The following CACNA1H variants were observed in gnomAD, a reference collection of about 807,000 sequenced individuals.
CACNA1H encodes the protein voltage-dependent T-type calcium channel subunit alpha-1H.
A neutral mutation model predicts 192.5 loss-of-function variants in CACNA1H; 149 were observed. The ratio of observed to expected loss-of-function variants is 0.77; its 90% CI spans 0.68 to 0.89. The LOEUF is 0.89. CACNA1H is among the 40% of genes least tolerant of loss of function. The probability of loss-of-function intolerance (pLI) is 0.00; values close to 1 mark genes in which losing one functional copy is unlikely to be tolerated. For missense variants in CACNA1H, 4,257 were observed against 3,423.5 expected, an observed-to-expected ratio of 1.24 and a Z score of -6.08; for synonymous variants, 2,202 against 1,475.2, an observed-to-expected ratio of 1.49 and a Z score of -11.29.
chr16:1,154,684 C>T (rs980897191), intron 2 of CACNA1H, among the ~76,000 whole-genome samples: 1 of 152,130 alleles, frequency 6.6e-6, no homozygotes, highest in Non-Finnish European at 1.5e-5. Context: ...TTGGCACTGC[C>T]AAGGGGGAGT....
intron 2 of CACNA1H, among the ~76,000 whole-genome samples, chr16:1,161,103 A>G (rs1228298240): frequency 2.6e-5 from 4 of 152,170 alleles, no homozygotes; most frequent in African/African-American, 9.7e-5. Flanking sequence ...TGTCTGCAGA[A>G]CTGGCTCCTG....
chr16:1,204,170 C>T lies in CACNA1H; in HGVS notation c.2163C>T (p.Asp721=). The T allele has an allele frequency of 3.1e-6, 5 of 1,612,362 alleles. No homozygotes were observed. Among genetic ancestry groups the T allele is most frequent in the African/African-American group, 2.7e-5 (2 of 75,066 alleles). The change falls in exon 10 of 35, where the codon GAC becomes GAT. Residue 721 remains aspartate, a synonymous_variant. Coordinates refer to ENST00000348261, the MANE Select transcript of CACNA1H (RefSeq NM_021098.3). The stretch of plus-strand genomic sequence containing the variant: ...AGCTCAGCGGCTCGGAAAGTGGAGA[C>T]TCAGATGGCCGTGGCGTCTATGAAT... ...EGELSGSESG[D]SDGRGVYEFT...
chr16:1,202,265 C>G lies in CACNA1H; in HGVS notation c.1815C>G (p.Ala605=). 6.3e-7 allele frequency: 1 copy of G among 1,575,978 alleles called. No homozygotes were observed. The highest frequency in any genetic ancestry group is 8.6e-7 in the Non-Finnish European group (1 of 1,163,056). ...CTGCCGCTGCCAGCCTCAGACTGGC[C>G]ACAGGGCTGGGCACCATGAACTACC... ...AATAAASLRL[A]TGLGTMNYPT... is the part of the protein sequence containing the mutation. Residue 605 remains alanine (A), a synonymous_variant, in exon 9 of 35, where the codon GCC becomes GCG. Coordinates refer to ENST00000348261, the MANE Select transcript of CACNA1H (RefSeq NM_021098.3).
chr16:1,206,215 C>T lies in CACNA1H; in HGVS notation c.2715C>T (p.Leu905=), dbSNP rs746896203. The part of the protein sequence containing the change: ...VRFLPALRRQ[L]VVLVKTMDNV... ...TTCTGCCAGCCCTGCGGCGCCAGCT[C>T]GTGGTGCTGGTGAAGACCATGGACA... is the stretch of plus-strand genomic sequence containing the variant. The change falls in exon 12 of 35, where the codon CTC becomes CTT. Residue 905 remains leucine (L), a synonymous_variant. Coordinates refer to ENST00000348261, the MANE Select transcript of CACNA1H (RefSeq NM_021098.3). 75 of 1,592,994 alleles carry T rather than the reference C, an allele frequency of 4.7e-5. No homozygotes were observed. Among genetic ancestry groups the T allele is most frequent in the Non-Finnish European group, 6.0e-5 (70 of 1,170,804 alleles).
In CACNA1H at chr16:1,200,549, A is replaced by T. The variant is rs1567508720; in HGVS notation, c.1097A>T (p.Tyr366Phe). The T allele has an allele frequency of 6.2e-7, 1 of 1,612,036 alleles. No individual in the cohort carries two copies. Among genetic ancestry groups the T allele is most frequent in the Non-Finnish European group, 8.5e-7 (1 of 1,179,694 alleles). Reference protein sequence around the residue: ...NGAINFDNIGYAWIAIFQVIT... With the variant: ...NGAINFDNIGFAWIAIFQVIT... ...GCCATCAACTTCGACAACATCGGCTACGCCTGGATTGCCATCTTCCAGGTG... is the reference window on the plus strand; with the variant it reads ...GCCATCAACTTCGACAACATCGGCTTCGCCTGGATTGCCATCTTCCAGGTG... Residue 366 changes from tyrosine (Y) to phenylalanine (F), a missense_variant, in exon 7 of 35, where the codon TAC (tyrosine) becomes TTC (phenylalanine). Physicochemically the swap from Tyr to Phe is conservative, Grantham distance 22. Coordinates refer to ENST00000348261, the MANE Select transcript of CACNA1H (RefSeq NM_021098.3).
At chr16:1,171,437 C>G (rs998336031) in intron 2 of CACNA1H, among the ~76,000 whole-genome samples, 2 of 152,310 alleles carry the variant, frequency 1.3e-5, no homozygotes, top group South Asian at 4.1e-4. Context: ...CTTTTTGGCC[C>G]TGGGCTCTGA....
At position 1,200,303 on chromosome 16, in the gene CACNA1H, G is replaced by A. The variant is rs767281564; in HGVS notation, c.851G>A (p.Gly284Asp). ...FLRPYYQTEE[G>D]EENPFICSSR... ...CGGCCGTACTACCAGACGGAGGAGGGCGAGGAGAACCCGTTCATCTGCTCC... is the reference window on the plus strand; with the variant it reads ...CGGCCGTACTACCAGACGGAGGAGGACGAGGAGAACCCGTTCATCTGCTCC... Residue 284 changes from glycine to aspartate, a missense_variant, in exon 7 of 35, where the codon GGC (glycine) becomes GAC (aspartate). Gly to Asp is a moderately conservative substitution (Grantham distance 94). Coordinates refer to ENST00000348261, the MANE Select transcript of CACNA1H (RefSeq NM_021098.3). 1.4e-5 allele frequency: 22 copies of A among 1,606,610 alleles called. No homozygotes were observed. Among genetic ancestry groups the A allele is most frequent in the East Asian group, 2.2e-5 (1 of 44,686 alleles).
At chr16:1,154,760 C>G (rs1250703909) in intron 2 of CACNA1H, among the ~76,000 whole-genome samples, 1 of 152,154 alleles carries the variant, frequency 6.6e-6, no homozygotes, top group Non-Finnish European at 1.5e-5. Flanking sequence ...TCGGCCAGAG[C>G]GGCACAGACT....
chr16:1,165,687 C>T (rs909108143), intron 2 of CACNA1H, among the ~76,000 whole-genome samples: 1 of 152,240 alleles, frequency 6.6e-6, no homozygotes, highest in Non-Finnish European at 1.5e-5. Flanking sequence ...GGGGTCACCC[C>T]TCCTGAGGAT....
Position 1,221,671 on chromosome 16 carries a change from A to G in CACNA1H, c.*677A>G, listed in dbSNP as rs1420786569. The G allele has an allele frequency of 2.7e-6, 3 of 1,114,378 alleles. No individual in the cohort carries two copies. Among genetic ancestry groups the G allele is most frequent in the Non-Finnish European group, 3.8e-6 (3 of 797,900 alleles). The allele number at this position is 1,114,378 out of a possible 1,614,324, so 69.0% of individuals were successfully genotyped here. On this transcript the variant is annotated 3_prime_UTR_variant, in exon 35 of 35. Coordinates refer to ENST00000348261, the MANE Select transcript of CACNA1H (RefSeq NM_021098.3). ...ACACCTTTGTTTCGTGTGCTTTTAA[A>G]TTCAGGTTAAATGTTGCAATAATCT...
chr16:1,160,608 T>G (rs574966988), intron 2 of CACNA1H, among the ~76,000 whole-genome samples: 10 of 152,218 alleles, frequency 6.6e-5, no homozygotes, highest in Admixed American at 6.5e-4. Context: ...ACGTGGCCGC[T>G]GGTGTCCCTG....
intron 2 of CACNA1H, among the ~76,000 whole-genome samples, chr16:1,170,206 G>C (rs1363282502): frequency 6.6e-6 from 1 of 152,260 alleles, no homozygotes; most frequent in East Asian, 1.9e-4. Flanking sequence ...CCAACTGCAG[G>C]GTTACCGAGG....
chr16:1,192,301 C>G (rs117620400), intron 2 of CACNA1H, among the ~76,000 whole-genome samples: 2,166 of 152,338 alleles, frequency 0.014, 22 homozygotes, highest in Non-Finnish European at 0.019. Flanking sequence ...GACCCCTAGT[C>G]AGCTGTCTTT....
chr16:1,212,573 G>A lies in CACNA1H; in HGVS notation c.4777+45G>A, dbSNP rs775253427. 2.8e-5 allele frequency: 44 copies of A among 1,591,858 alleles called. No homozygotes were observed. In the South Asian group the frequency reaches 3.3e-4, roughly 12 times the overall value. On this transcript the variant is annotated intron_variant, in intron 26 of 34. Coordinates refer to ENST00000348261, the MANE Select transcript of CACNA1H (RefSeq NM_021098.3). ...TGCCTCAGGCCCCGCTTCTGCGGCC[G>A]CTGCTCGGGGAAGGGCGGGCATCCC...
chr16:1,177,332 C>A (rs1164039299), intron 2 of CACNA1H, among the ~76,000 whole-genome samples: 1 of 152,186 alleles, frequency 6.6e-6, no homozygotes, highest in Non-Finnish European at 1.5e-5. Flanking sequence ...ACACTGCAGC[C>A]GCCGGCACCC....
In CACNA1H at chr16:1,220,881, C is replaced by A. The variant is rs1244375987; in HGVS notation, c.6949C>A (p.Pro2317Thr). The change falls in exon 35 of 35, where the codon CCC becomes ACC. Residue 2317 changes from proline to threonine, a missense_variant. Coordinates refer to ENST00000348261, the MANE Select transcript of CACNA1H (RefSeq NM_021098.3). ...AGAGCCTCCCATGCCCGTCGGTGACCCCCCAGAGAAGAGGCGGGGGCTGTA... is the reference window on the plus strand; with the variant it reads ...AGAGCCTCCCATGCCCGTCGGTGACACCCCAGAGAAGAGGCGGGGGCTGTA... Reference protein sequence around the residue: ...ESEPPMPVGDPPEKRRGLYLT... With the variant: ...ESEPPMPVGDTPEKRRGLYLT... 11 of 1,612,508 alleles carry A rather than the reference C, an allele frequency of 6.8e-6. No homozygotes were observed. Among genetic ancestry groups the A allele is most frequent in the Non-Finnish European group, 9.3e-6 (11 of 1,179,750 alleles).
At chr16:1,171,436 C>T (rs1018138248) in intron 2 of CACNA1H, among the ~76,000 whole-genome samples, 1 of 152,182 alleles carries the variant, frequency 6.6e-6, no homozygotes, top group African/African-American at 2.4e-5. Flanking sequence ...ACTTTTTGGC[C>T]CTGGGCTCTG....
intron 2 of CACNA1H, among the ~76,000 whole-genome samples, chr16:1,190,841 G>A (rs1247701357): frequency 6.6e-6 from 1 of 151,390 alleles, no homozygotes; most frequent in Non-Finnish European, 1.5e-5. Context: ...CGTCAGGCTG[G>A]CCTGGCTGTG....
chr16:1,212,727 C>T (rs886217734), intron 26 of CACNA1H, among the ~76,000 whole-genome samples, 199 bp downstream of exon 26: 1 of 152,178 alleles, frequency 6.6e-6, no homozygotes, highest in African/African-American at 2.4e-5. Context: ...CGGCTCTGCC[C>T]GGCTCACAGT....
Sources: gnomAD v4.1 joint callset for allele counts (sites outside exome capture counted in the v4.1 genomes callset) on GRCh38, gnomAD v4.1.1 for gene constraint, MANE v1.5 for transcripts, NCBI Gene and HGNC (gene_info 2026-07-23, HGNC 2026-07-21) for gene names.